The following NR3C2 variants were observed in gnomAD, a reference collection of about 807,000 sequenced individuals.
NR3C2 encodes the protein mineralocorticoid receptor.
NR3C2 carries 15 observed loss-of-function variants against 86.4 expected under a neutral mutation model. The ratio of observed to expected loss-of-function variants is 0.17; its 90% CI spans 0.12 to 0.27. NR3C2 has a LOEUF of 0.27. Ranked by LOEUF, NR3C2 falls within the 10% of genes least tolerant of loss-of-function variation. NR3C2 has a pLI of 1.00. For missense variants in NR3C2, 960 were observed against 1,195.6 expected (o/e 0.80, Z 2.91); for synonymous variants, 458 against 450.5 (o/e 1.02, Z -0.21).
intron 2 of NR3C2, among the ~76,000 whole-genome samples, chr4:148,263,580 T>G (rs573967223): frequency 2.4e-4 from 36 of 152,286 alleles, no homozygotes; most frequent in African/African-American, 8.7e-4. Flanking sequence ...TCTTCAATCA[T>G]CCCTTCCGAA....
intron 2 of NR3C2, among the ~76,000 whole-genome samples, chr4:148,313,970 T>A (rs1743034962): frequency 6.6e-6 from 1 of 152,084 alleles, no homozygotes; most frequent in African/African-American, 2.4e-5. Context: ...GATGGAAGGG[T>A]CTCATTTATA....
chr4:148,312,579 G>C (rs1315892600), intron 2 of NR3C2, among the ~76,000 whole-genome samples: 1 of 152,166 alleles, frequency 6.6e-6, no homozygotes, highest in African/African-American at 2.4e-5. Context: ...CTAAAGGAAT[G>C]AAAGAATGAA....
intron 2 of NR3C2, among the ~76,000 whole-genome samples, chr4:148,294,717 C>T (rs1032703252): frequency 4.6e-5 from 7 of 151,930 alleles, no homozygotes; most frequent in Middle Eastern, 3.4e-3. Flanking sequence ...TGGCTCACAC[C>T]TACAATCCTA....
chr4:148,411,390 T>G (rs185689500), intron 2 of NR3C2, among the ~76,000 whole-genome samples: 1 of 152,308 alleles, frequency 6.6e-6, no homozygotes, highest in African/African-American at 2.4e-5. Flanking sequence ...CCAATTCAAA[T>G]ATTTTTCAAA....
chr4:148,219,869 C>CA (rs1156550438), intron 3 of NR3C2, among the ~76,000 whole-genome samples: 17 of 152,112 alleles, frequency 1.1e-4, no homozygotes, highest in East Asian at 3.8e-4. Flanking sequence ...ATTTCTAGCA[C>CA]AAAAAATGTC....
At chr4:148,212,895 A>G (rs1285672213) in intron 3 of NR3C2, among the ~76,000 whole-genome samples, 1 of 152,214 alleles carries the variant, frequency 6.6e-6, no homozygotes, top group Non-Finnish European at 1.5e-5. Context: ...CGTAATAAAA[A>G]TATTTGCTTG....
At chr4:148,306,155 A>C (rs1430975021) in intron 2 of NR3C2, among the ~76,000 whole-genome samples, 1 of 152,248 alleles carries the variant, frequency 6.6e-6, no homozygotes, top group African/African-American at 2.4e-5. Context: ...GTGCTGTTCT[A>C]GGCAATCTTA....
In NR3C2 at chr4:148,086,308, G is replaced by A. The variant is rs139776163; in HGVS notation, c.2800-4809C>T. 3.0e-3 allele frequency among the ~76,000 whole-genome samples: 462 copies of A among 152,330 alleles called. 1 individual carries two copies. Among genetic ancestry groups the A allele is most frequent in the Non-Finnish European group, 5.1e-3 (346 of 68,040 alleles). ...ATCAAGTCGGCTTCATCCCTGGGAT[G>A]CAAAGCTGGCTCAACATACACAAAT... is the stretch of plus-strand genomic sequence containing the variant. On this transcript the variant is annotated intron_variant, in intron 8 of 8. Transcript: ENST00000358102.
At chr4:148,218,873 T>A (rs1178300967) in intron 3 of NR3C2, among the ~76,000 whole-genome samples, 2 of 152,238 alleles carry the variant, frequency 1.3e-5, no homozygotes, top group African/African-American at 4.8e-5. Context: ...TACCATGTTG[T>A]TTTTACATTT....
At chr4:148,118,323 C>T (rs1054944430) in intron 7 of NR3C2, among the ~76,000 whole-genome samples, 19 of 152,138 alleles carry the variant, frequency 1.2e-4, no homozygotes, top group African/African-American at 3.9e-4. Context: ...GGCCTTCTGT[C>T]GGGGTTATCA....
At chr4:148,348,893 T>C (rs1745131673) in intron 2 of NR3C2, among the ~76,000 whole-genome samples, 1 of 152,152 alleles carries the variant, frequency 6.6e-6, no homozygotes. Flanking sequence ...CTATTTTAAC[T>C]GCTTGAATGA....
At chr4:148,194,889 T>C (rs1012812953) in intron 3 of NR3C2, 27 bp from the exon 4 acceptor site, 7 of 1,480,714 alleles carry the variant, frequency 4.7e-6, no homozygotes, top group African/African-American at 1.4e-5. Context: ...AAAATAACTG[T>C]TAAAATAGAG....
At chr4:148,443,951 T>A (rs1750476643), upstream of NR3C2, 1 of 973,034 alleles carries the variant, frequency 1.0e-6, no homozygotes, top group Non-Finnish European at 1.2e-6. Context: ...CGCGAGCTGG[T>A]CCTGACCCCA....
chr4:148,375,145 A>G (rs1170816369), intron 2 of NR3C2, among the ~76,000 whole-genome samples: 2 of 152,154 alleles, frequency 1.3e-5, no homozygotes, highest in African/African-American at 4.8e-5. Context: ...GTTTCCCTGT[A>G]CAAAATTCAT....
rs184889882 is a variant in NR3C2 at position 148,193,304 on chromosome 4, C to T, written c.2014+1442G>A. Among the ~76,000 whole-genome samples, 768 of 152,314 alleles carry T rather than the reference C, an allele frequency of 5.0e-3. 4 individuals carry two copies. Among genetic ancestry groups the T allele is most frequent in the African/African-American group, 0.017 (706 of 41,572 alleles). Reference sequence around the variant, plus strand: ...GGAGGGTCTCCCTTTCCCACTTCTGCAGTTGGGGCACTCACAGTAACTGGG... The same window carrying T: ...GGAGGGTCTCCCTTTCCCACTTCTGTAGTTGGGGCACTCACAGTAACTGGG... On this transcript the variant is annotated intron_variant, in intron 4 of 8. Coordinates refer to ENST00000358102, the MANE Select transcript of NR3C2 (RefSeq NM_000901.5).
At chr4:148,173,084 G>A (rs925279518) in intron 4 of NR3C2, among the ~76,000 whole-genome samples, 2 of 152,184 alleles carry the variant, frequency 1.3e-5, no homozygotes, top group Admixed American at 6.5e-5. Flanking sequence ...GTTGACAAAG[G>A]CACAAACTAG....
At chr4:148,411,107 T>C (rs899292086) in intron 2 of NR3C2, among the ~76,000 whole-genome samples, 4 of 152,170 alleles carry the variant, frequency 2.6e-5, no homozygotes, top group African/African-American at 4.8e-5. Context: ...TTTTGGCTGG[T>C]TGCATCAACT....
At position 148,344,733 on chromosome 4, in the gene NR3C2, CA is replaced by C. The variant is rs541207948; in HGVS notation, c.1758-84617del. ...AAGAGGTTTTAGACATTCTAAAAAT[CA>C]GACAATTACGTATGAATTATCTTGA... On this transcript the variant is annotated intron_variant, in intron 2 of 8. Coordinates refer to ENST00000358102, the MANE Select transcript of NR3C2 (RefSeq NM_000901.5). 1.1e-4 allele frequency among the ~76,000 whole-genome samples: 16 copies of C among 152,226 alleles called. No individual in the cohort carries two copies. The East Asian group carries it at 3.1e-3, about 29-fold the overall frequency.
At chr4:148,101,399 A>C (rs957557840) in intron 8 of NR3C2, among the ~76,000 whole-genome samples, 3 of 152,210 alleles carry the variant, frequency 2.0e-5, no homozygotes, top group Admixed American at 6.5e-5. Context: ...AGCTATGATC[A>C]AGCACGAAAG....
Sources: gnomAD v4.1 joint callset for allele counts (sites outside exome capture counted in the v4.1 genomes callset) on GRCh38, gnomAD v4.1.1 for gene constraint, MANE v1.5 for transcripts, NCBI Gene and HGNC (gene_info 2026-07-23, HGNC 2026-07-21) for gene names.